Variants in NALF1 observed in about 807,000 individuals in gnomAD.
NALF1 encodes the protein NALCN channel auxiliary factor 1.
A neutral mutation model predicts 48.4 loss-of-function variants in NALF1; 3 were observed. That is an observed-to-expected ratio of 0.06 (90% CI 0.03 to 0.16). The LOEUF (loss-of-function observed/expected upper bound fraction) is 0.16, where lower values mean the gene tolerates loss of function less well. Ranked by LOEUF, NALF1 falls within the 10% of genes least tolerant of loss-of-function variation. The pLI, the probability that NALF1 is intolerant of heterozygous loss-of-function variation, is 1.00. For synonymous variants in NALF1, 262 were observed against 245.7 expected, an observed-to-expected ratio of 1.07 and a Z score of -0.62; for missense variants, 526 against 571.5, an observed-to-expected ratio of 0.92 and a Z score of 0.81.
intron 1 of NALF1, among the ~76,000 whole-genome samples, chr13:107,224,082 T>C (rs529580753): frequency 1.3e-5 from 2 of 152,278 alleles, no homozygotes; most frequent in Non-Finnish European, 2.9e-5. Flanking sequence ...TTCATTATTA[T>C]TGAAAACTAT....
intron 1 of NALF1, among the ~76,000 whole-genome samples, chr13:107,456,130 G>GT (rs969922370): frequency 2.6e-5 from 4 of 152,072 alleles, no homozygotes; most frequent in African/African-American, 9.7e-5. Flanking sequence ...GGATAGAGGA[G>GT]TTTTTTTCAA....
At chr13:107,746,737 TA>T (rs1420681039) in intron 1 of NALF1, among the ~76,000 whole-genome samples, 2 of 152,190 alleles carry the variant, frequency 1.3e-5, no homozygotes, top group African/African-American at 4.8e-5. Flanking sequence ...CAGCTGACTA[TA>T]AATCAGTGCA....
intron 1 of NALF1, among the ~76,000 whole-genome samples, chr13:107,226,487 C>A (rs1880110138): frequency 1.3e-5 from 2 of 152,146 alleles, no homozygotes; most frequent in Non-Finnish European, 2.9e-5. Flanking sequence ...TGCAAAAGTT[C>A]ATTTGAAACA....
chr13:107,641,604 A>G (rs933661056), intron 1 of NALF1, among the ~76,000 whole-genome samples: 4 of 152,206 alleles, frequency 2.6e-5, no homozygotes, highest in Admixed American at 2.6e-4. Context: ...TAATAGTAAC[A>G]TCAATAATAG....
At chr13:107,539,609 G>A (rs545580996) in intron 1 of NALF1, among the ~76,000 whole-genome samples, 3 of 152,260 alleles carry the variant, frequency 2.0e-5, no homozygotes, top group African/African-American at 7.2e-5. Context: ...GATGTTTTAT[G>A]AGATGACTAT....
intron 1 of NALF1, among the ~76,000 whole-genome samples, chr13:107,818,731 G>C (rs1879253503): frequency 6.8e-6 from 1 of 147,258 alleles, no homozygotes. Flanking sequence ...AATTAGCCGG[G>C]CGTGGTAGCG....
intron 1 of NALF1, among the ~76,000 whole-genome samples, chr13:107,282,345 A>C (rs1419400914): frequency 6.6e-6 from 1 of 152,182 alleles, no homozygotes; most frequent in African/African-American, 2.4e-5. Flanking sequence ...GAAACATCAA[A>C]TTTTATTTAA....
chr13:107,609,675 T>C (rs1377345732), intron 1 of NALF1, among the ~76,000 whole-genome samples: 1 of 152,220 alleles, frequency 6.6e-6, no homozygotes, highest in Non-Finnish European at 1.5e-5. Context: ...GATTAAAGCC[T>C]CATGAAATCC....
At chr13:107,411,101 A>C (rs1379169098) in intron 1 of NALF1, among the ~76,000 whole-genome samples, 1 of 152,160 alleles carries the variant, frequency 6.6e-6, no homozygotes, top group Non-Finnish European at 1.5e-5. Context: ...GTGGCATCTC[A>C]GCTTTCAAGA....
Position 107,165,102 on chromosome 13 carries a change from C to T in NALF1, c.*5395G>A, listed in dbSNP as rs571804915. On this transcript the variant is annotated 3_prime_UTR_variant, in exon 3 of 3. Transcript: ENST00000375915. ...ATGGCTTTGCCCTAAGATCCTGTGCCTTTTCTCCACATTAAAAATAAAAAT... is the reference window on the plus strand; with the variant it reads ...ATGGCTTTGCCCTAAGATCCTGTGCTTTTTCTCCACATTAAAAATAAAAAT... The T allele has an allele frequency of 6.6e-6, 1 of 152,248 alleles. No homozygotes were observed. Among genetic ancestry groups the T allele is most frequent in the African/African-American group, 2.4e-5 (1 of 41,566 alleles). The allele number at this position is 152,248 out of a possible 1,614,324, so 9.4% of individuals were successfully genotyped here.
rs1443409300 is a variant in NALF1 at position 107,362,526 on chromosome 13, G to A, written c.916-151771C>T. The stretch of plus-strand genomic sequence containing the variant: ...GTTGTCACTTGGCATTCTCCTGTGT[G>A]TCCTCGTCGCGGGGCATTCTCCTCT... On this transcript the variant is annotated intron_variant, in intron 1 of 2. Transcript: ENST00000375915. The surrounding 1 kb of genome is among the most constrained non-coding windows in gnomAD (Gnocchi z 4.6). 6.6e-6 allele frequency among the ~76,000 whole-genome samples: 1 copy of A among 152,080 alleles called. No homozygotes were observed. Among genetic ancestry groups the A allele is most frequent in the Non-Finnish European group, 1.5e-5 (1 of 68,022 alleles).
intron 1 of NALF1, among the ~76,000 whole-genome samples, chr13:107,492,032 G>GTTTTTTTT (rs762750416): frequency 3.9e-5 from 4 of 103,366 alleles, no homozygotes; most frequent in African/African-American, 8.2e-5. Context: ...GCCTGTCTGG[G>GTTTTTTTT]TTTTTTTTTG....
intron 1 of NALF1, among the ~76,000 whole-genome samples, chr13:107,649,529 G>T (rs1594183812): frequency 6.6e-6 from 1 of 152,208 alleles, no homozygotes; most frequent in South Asian, 2.1e-4. Flanking sequence ...CTGGGTTGTA[G>T]AGTTAATTAT....
At chr13:107,260,745 C>T (rs1377091578) in intron 1 of NALF1, among the ~76,000 whole-genome samples, 2 of 152,214 alleles carry the variant, frequency 1.3e-5, no homozygotes, top group African/African-American at 4.8e-5. Flanking sequence ...TGAAATTACA[C>T]ATGCTAGCTA....
At chr13:107,339,142 A>T in intron 1 of NALF1, among the ~76,000 whole-genome samples, 1 of 148,520 alleles carries the variant, frequency 6.7e-6, no homozygotes, top group African/African-American at 2.4e-5. Context: ...TCAGAAGAAA[A>T]AAAAAAAAAA....
At chr13:107,594,071 C>T (rs1878676647) in intron 1 of NALF1, among the ~76,000 whole-genome samples, 1 of 151,938 alleles carries the variant, frequency 6.6e-6, no homozygotes, top group Admixed American at 6.6e-5. Context: ...ATTCATTCAT[C>T]TCCTTTTCTT....
intron 1 of NALF1, among the ~76,000 whole-genome samples, chr13:107,656,778 A>C (rs560344670): frequency 6.6e-6 from 1 of 152,176 alleles, no homozygotes; most frequent in Non-Finnish European, 1.5e-5. Flanking sequence ...TCAATCAATG[A>C]GTGGATAAAG....
chr13:107,324,255 T>C (rs902966080), intron 1 of NALF1, among the ~76,000 whole-genome samples: 1 of 152,240 alleles, frequency 6.6e-6, no homozygotes, highest in Non-Finnish European at 1.5e-5. Flanking sequence ...ATACTTCTAA[T>C]CAAAGACGTA....
intron 1 of NALF1, among the ~76,000 whole-genome samples, chr13:107,729,459 C>G (rs1408117319): frequency 6.6e-6 from 1 of 151,044 alleles, no homozygotes; most frequent in Non-Finnish European, 1.5e-5. Context: ...TATAAAGTTG[C>G]TATTAAAATG....
Sources: allele counts gnomAD v4.1 joint callset (sites outside exome capture counted in the v4.1 genomes callset), GRCh38; gene constraint gnomAD v4.1.1; non-coding constraint Gnocchi (gnomAD v3.1); transcripts MANE v1.5; gene names NCBI Gene and HGNC (gene_info 2026-07-23, HGNC 2026-07-21).